Variants in SLC25A24 observed in about 807,000 individuals in gnomAD.
The protein encoded by SLC25A24 is mitochondrial adenyl nucleotide antiporter SLC25A24.
In SLC25A24, 49 loss-of-function variants were observed where a neutral mutation model predicts 60.7. The ratio of observed to expected loss-of-function variants is 0.81; its 90% CI spans 0.64 to 1.02. The LOEUF is 1.02. Among genes scored for constraint, SLC25A24 ranks in the 50% least tolerant of loss-of-function variants. The pLI is 0.00. For synonymous variants in SLC25A24, 202 were observed against 200.6 expected, an observed-to-expected ratio of 1.01 and a Z score of -0.06; for missense variants, 564 against 586.3, an observed-to-expected ratio of 0.96 and a Z score of 0.39.
chr1:108,198,414 T>A (rs1648562568), intron 1 of SLC25A24: 1 of 152,200 alleles, frequency 6.6e-6, no homozygotes, highest in Non-Finnish European at 1.5e-5. Flanking sequence ...ACCTTCAGAC[T>A]CAGCAATGTC....
intron 3 of SLC25A24, among the ~76,000 whole-genome samples, chr1:108,162,105 G>T (rs577273329): frequency 8.5e-5 from 13 of 152,214 alleles, no homozygotes; most frequent in Non-Finnish European, 1.6e-4. Flanking sequence ...TTTCATCCAT[G>T]TCCCTACAAA....
chr1:108,186,732 C>A (rs1648136855), intron 1 of SLC25A24, among the ~76,000 whole-genome samples: 1 of 152,278 alleles, frequency 6.6e-6, no homozygotes, highest in East Asian at 1.9e-4. Flanking sequence ...TAGTCACCCA[C>A]TCAAAGCTTA....
At chr1:108,163,177 AT>A (rs759107781) in intron 3 of SLC25A24, among the ~76,000 whole-genome samples, 4,482 of 76,848 alleles carry the variant, frequency 0.058, 313 homozygotes, top group Middle Eastern at 0.15. Flanking sequence ...TACCAGTACC[AT>A]GCTGGTTTGG....
rs74112052 is a variant in SLC25A24 at position 108,156,116 on chromosome 1, C to A, written c.670-981G>T. 4.3e-3 allele frequency among the ~76,000 whole-genome samples: 659 copies of A among 152,292 alleles called. 4 individuals carry two copies. Among genetic ancestry groups the A allele is most frequent in the African/African-American group, 0.015 (611 of 41,552 alleles). ...CTGCAATATTCCATGCCTAGTGCCA[C>A]ATAACAGTGCCAGGAAAGTAAGACA... is the stretch of plus-strand genomic sequence containing the variant. On this transcript the variant is annotated intron_variant, in intron 5 of 9. Transcript: ENST00000565488.
Position 108,185,969 on chromosome 1 carries a change from T to C in SLC25A24, c.184-15A>G. 1.3e-6 allele frequency: 2 copies of C among 1,548,856 alleles called. No homozygotes were observed. The highest frequency in any genetic ancestry group is 1.8e-6 in the Non-Finnish European group (2 of 1,141,516). The stretch of plus-strand genomic sequence containing the variant: ...GTAAAAATTTTCTATAAAAAAAAAT[T>C]AGAGAGAAGTTATTGCCAATATGGG... On this transcript the variant is annotated splice_polypyrimidine_tract_variant and intron_variant, in intron 1 of 9. Coordinates refer to ENST00000565488, the MANE Select transcript of SLC25A24 (RefSeq NM_013386.5).
intron 7 of SLC25A24, among the ~76,000 whole-genome samples, chr1:108,146,245 G>A (rs537583221): frequency 2.0e-5 from 3 of 152,306 alleles, no homozygotes; most frequent in South Asian, 2.1e-4. Context: ...GAATGCTAGT[G>A]ATTTTTGCAC....
intron 3 of SLC25A24, among the ~76,000 whole-genome samples, chr1:108,172,404 G>A (rs1337081675): frequency 6.6e-6 from 1 of 152,212 alleles, no homozygotes; most frequent in East Asian, 1.9e-4. Context: ...TCTACAGACT[G>A]TACAAGCATG....
At chr1:108,160,033 T>C (rs994742328) in intron 4 of SLC25A24, among the ~76,000 whole-genome samples, 1 of 142,756 alleles carries the variant, frequency 7.0e-6, no homozygotes, top group African/African-American at 2.6e-5. Flanking sequence ...CACTTCCCTG[T>C]AGGGGCGGCC....
At chr1:108,170,999 G>A (rs1285649476) in intron 3 of SLC25A24, among the ~76,000 whole-genome samples, 1 of 151,748 alleles carries the variant, frequency 6.6e-6, no homozygotes, top group Non-Finnish European at 1.5e-5. Flanking sequence ...ATTACTGCAG[G>A]GCACATTTTA....
At position 108,143,549 on chromosome 1, in the gene SLC25A24, C is replaced by A. The variant is rs1217246122; in HGVS notation, c.1092G>T (p.Val364=). The A allele has an allele frequency of 6.2e-7, 1 of 1,608,818 alleles. No individual in the cohort carries two copies. Among genetic ancestry groups the A allele is most frequent in the Non-Finnish European group, 8.5e-7 (1 of 1,178,440 alleles). Residue 364 remains valine (V), a synonymous_variant, in exon 8 of 10, where the codon GTG becomes GTT. Transcript: ENST00000565488. ...AAGATTTCTACAAACTCACCTCATA[C>A]ACAGCAAGATCTATGCCTGCATAAG... ...IIPYAGIDLA[V]YELLKSYWLD... is the part of the protein sequence containing the mutation.
chr1:108,149,073 A>G (rs182490938), intron 6 of SLC25A24, among the ~76,000 whole-genome samples: 1 of 152,206 alleles, frequency 6.6e-6, no homozygotes, highest in Non-Finnish European at 1.5e-5. Context: ...AGTTTTCACA[A>G]TGTTTGGATA....
chr1:108,148,465 G>A (rs1679667776), intron 6 of SLC25A24, 79 bp from the exon 7 acceptor site: 3 of 808,258 alleles, frequency 3.7e-6, no homozygotes, highest in East Asian at 4.9e-5. Flanking sequence ...ATATGTTGAA[G>A]CTGTAACCTC....
rs547718789 is a variant in SLC25A24 at position 108,180,993 on chromosome 1, T to C, written c.398+948A>G. On this transcript the variant is annotated intron_variant, in intron 3 of 9. Transcript: ENST00000565488. ...GAATATTACTTTAGAAGCAGAATAT[T>C]ATATGCTCTATATCTCACTGTCCAA... is the stretch of plus-strand genomic sequence containing the variant. Among the ~76,000 whole-genome samples, 6 of 152,362 alleles carry C rather than the reference T, an allele frequency of 3.9e-5. No individual in the cohort carries two copies. The South Asian group carries it at 6.2e-4, about 16-fold the overall frequency.
intron 1 of SLC25A24, chr1:108,199,031 G>C (rs1373654988): frequency 6.6e-6 from 1 of 152,234 alleles, no homozygotes; most frequent in Non-Finnish European, 1.5e-5. Context: ...GATTCAGTCA[G>C]AAGTGTTATA....
At chr1:108,192,872 GGCT>G in intron 1 of SLC25A24, 1 of 834,306 alleles carries the variant, frequency 1.2e-6, no homozygotes, top group East Asian at 7.5e-5. Flanking sequence ...CCGCACTCTG[GGCT>G]GCGCTGGGAG....
At position 108,142,618 on chromosome 1, in the gene SLC25A24, C is replaced by T. The variant is rs185733265; in HGVS notation, c.1098+925G>A. ...TAGAGGTTACCAAAGGTTTGAGTTA[C>T]GGAGGGTAGGAAGTTATTGCTTAAA... On this transcript the variant is annotated intron_variant, in intron 8 of 9. Transcript: ENST00000565488. 1.7e-3 allele frequency among the ~76,000 whole-genome samples: 261 copies of T among 152,084 alleles called. 1 individual carries two copies. Among genetic ancestry groups the T allele is most frequent in the South Asian group, 6.0e-3 (29 of 4,816 alleles).
chr1:108,143,735 T>C, intron 7 of SLC25A24, 25 bp from the exon 8 acceptor site: 1 of 1,579,326 alleles, frequency 6.3e-7, no homozygotes, highest in Non-Finnish European at 8.6e-7. Context: ...AAACAAAATA[T>C]GATTGTTCAT....
At position 108,135,460 on chromosome 1, in the gene SLC25A24, GAA is replaced by G. The variant is rs973768663; in HGVS notation, c.*1191_*1192del. 1 of 152,236 alleles carries G rather than the reference GAA, an allele frequency of 6.6e-6. No individual in the cohort carries two copies. Among genetic ancestry groups the G allele is most frequent in the Non-Finnish European group, 1.5e-5 (1 of 67,932 alleles). 9.4% of individuals were successfully genotyped at this position (152,236 alleles called of 1,614,324 possible). On this transcript the variant is annotated 3_prime_UTR_variant, in exon 10 of 10. Coordinates refer to ENST00000565488, the MANE Select transcript of SLC25A24 (RefSeq NM_013386.5). Reference sequence around the variant, plus strand: ...TTCTAAGTTCTAATCACACAAATAAGAAAAGATAGTTGACTATAAAAATGGCT... The same window carrying G: ...TTCTAAGTTCTAATCACACAAATAAGAAGATAGTTGACTATAAAAATGGCT...
intron 9 of SLC25A24, among the ~76,000 whole-genome samples, chr1:108,137,883 G>A (rs117598860): frequency 8.5e-5 from 13 of 152,302 alleles, no homozygotes; most frequent in African/African-American, 2.9e-4. Flanking sequence ...CACAAGAAAC[G>A]TGTAGTTCAC....
Sources: gnomAD v4.1 joint callset for allele counts (sites outside exome capture counted in the v4.1 genomes callset) on GRCh38, gnomAD v4.1.1 for gene constraint, MANE v1.5 for transcripts, NCBI Gene and HGNC (gene_info 2026-07-23, HGNC 2026-07-21) for gene names.